The following CNNM1 variants were observed in gnomAD, a reference collection of about 807,000 sequenced individuals.
The protein encoded by CNNM1 is cyclin and CBS domain divalent metal cation transport mediator 1.
In CNNM1, 44 loss-of-function variants were observed where a neutral mutation model predicts 78.8. The observed-to-expected ratio is 0.56, with a 90% CI of 0.44 to 0.72. The LOEUF (loss-of-function observed/expected upper bound fraction) is 0.72, where lower values mean the gene tolerates loss of function less well. CNNM1 is among the 30% of genes least tolerant of loss of function. The probability of loss-of-function intolerance (pLI) is 0.00; values close to 1 mark genes in which losing one functional copy is unlikely to be tolerated. For missense variants in CNNM1, 1,101 were observed against 1,292.2 expected (o/e 0.85, Z 2.27); for synonymous variants, 584 against 581.5 (o/e 1.00, Z -0.06).
chr10:99,356,572 G>GAAAGAAAAGAAAAGAAAGAAAGAAAGAA (rs1554940050), intron 1 of CNNM1, among the ~76,000 whole-genome samples: 1 of 115,202 alleles, frequency 8.7e-6, no homozygotes, highest in South Asian at 2.9e-4. Context: ...CAGAAAGAAA[G>GAAAGAAAAGAAAAGAAAGAAAGAAAGAA]AAAGAAAGAA....
Position 99,330,087 on chromosome 10 carries a change from G to T in CNNM1, c.700G>T (p.Ala234Ser). 1 of 1,538,696 alleles carries T rather than the reference G, an allele frequency of 6.5e-7. No individual in the cohort carries two copies. Among genetic ancestry groups the T allele is most frequent in the Non-Finnish European group, 8.7e-7 (1 of 1,151,108 alleles). ...LRALGALLLLALSALFSGLRL... is the reference protein window; with the variant it reads ...LRALGALLLLSLSALFSGLRL... ...GGCGCTCGGGGCGCTCCTGCTGCTA[G>T]CCTTGTCGGCCCTGTTCAGCGGCCT... The change falls in exon 1 of 11, where the codon GCC becomes TCC. Residue 234 changes from alanine to serine, a missense_variant. Ala to Ser is a moderately conservative substitution (Grantham distance 99). This residue lies in a region of CNNM1 where 476 missense variants were observed against 484.5 expected (regional missense o/e 0.98). Transcript: ENST00000356713.
intron 1 of CNNM1, among the ~76,000 whole-genome samples, chr10:99,356,004 A>T (rs1315628406): frequency 6.6e-6 from 1 of 152,204 alleles, no homozygotes; most frequent in Admixed American, 6.5e-5. Flanking sequence ...TCAAACTACC[A>T]TTGCTGCTAA....
chr10:99,347,286 G>A (rs1036094209), intron 1 of CNNM1, among the ~76,000 whole-genome samples: 2 of 151,820 alleles, frequency 1.3e-5, no homozygotes, highest in East Asian at 1.9e-4. Context: ...TTTGGGAGGC[G>A]GAGGCAGGTG....
chr10:99,349,873 C>T (rs2030868430), intron 1 of CNNM1, among the ~76,000 whole-genome samples: 1 of 152,086 alleles, frequency 6.6e-6, no homozygotes, highest in Admixed American at 6.6e-5. Flanking sequence ...GTGGCGTGTG[C>T]CTGTAGTCCC....
chr10:99,388,186 G>A lies in CNNM1; in HGVS notation c.2559G>A (p.Glu853=), dbSNP rs752362046. 1.9e-5 allele frequency: 30 copies of A among 1,613,878 alleles called. No individual in the cohort carries two copies. The African/African-American group carries it at 3.2e-4, about 17-fold the overall frequency. The change falls in exon 9 of 11, where the codon GAG becomes GAA. Residue 853 remains glutamate, a synonymous_variant. Transcript: ENST00000356713. Reference sequence around the variant, plus strand: ...CAGACGGGCTGAGAAGCCCCAGCGAGGTAGTGTACCTGAGGATGGAGGAGC... The same window carrying A: ...CAGACGGGCTGAGAAGCCCCAGCGAAGTAGTGTACCTGAGGATGGAGGAGC... ...SRSDGLRSPS[E]VVYLRMEELA...
At chr10:99,352,753 TAA>T (rs2134035398) in intron 1 of CNNM1, among the ~76,000 whole-genome samples, 1 of 152,316 alleles carries the variant, frequency 6.6e-6, no homozygotes, top group East Asian at 1.9e-4. Flanking sequence ...ATTCTGGATA[TAA>T]GTCTTTTATC....
intron 1 of CNNM1, among the ~76,000 whole-genome samples, chr10:99,352,796 G>A (rs1006925975): frequency 1.3e-5 from 2 of 151,532 alleles, no homozygotes; most frequent in Non-Finnish European, 2.9e-5. Context: ...CTCCCATTCT[G>A]TGAATTGTCT....
chr10:99,364,996 G>A lies in CNNM1; in HGVS notation c.2170G>A (p.Val724Ile). ...RKVGSLAGSS[V>I]FLNRSPSRCS... ...GGTTGGAAGTCTGGCTGGATCTTCT[G>A]TCTTTCGTATGTATCTCTCAAACCC... The change falls in exon 6 of 11, where the codon GTC (valine) becomes ATC (isoleucine). Residue 724 changes from valine to isoleucine, a missense_variant. This residue lies in a region of CNNM1 where 348 missense variants were observed against 384.5 expected (regional missense o/e 0.90). Coordinates refer to ENST00000356713, the MANE Select transcript of CNNM1 (RefSeq NM_020348.3). 1 of 1,613,926 alleles carries A rather than the reference G, an allele frequency of 6.2e-7. No individual in the cohort carries two copies.
chr10:99,371,264 G>C (rs549836569), intron 6 of CNNM1, among the ~76,000 whole-genome samples: 2 of 152,286 alleles, frequency 1.3e-5, no homozygotes, highest in African/African-American at 4.8e-5. Flanking sequence ...AGAACACAGT[G>C]GTTCACAGAT....
chr10:99,366,875 T>G (rs1197698831), intron 6 of CNNM1, among the ~76,000 whole-genome samples: 1 of 152,248 alleles, frequency 6.6e-6, no homozygotes, highest in Non-Finnish European at 1.5e-5. Context: ...AAGCTTTCAG[T>G]TGCATCAGTG....
intron 1 of CNNM1, among the ~76,000 whole-genome samples, chr10:99,344,149 A>G (rs2030579495): frequency 6.8e-6 from 1 of 147,896 alleles, no homozygotes; most frequent in African/African-American, 2.5e-5. Flanking sequence ...CCTGACCAAC[A>G]TGGTGAAACC....
In CNNM1 at chr10:99,394,064, CTGACCACTGG is replaced by C. The variant is rs1404546266; in HGVS notation, c.*2549_*2558del. Reference sequence around the variant, plus strand: ...ACCATCATGCAGGCTTCTTGCCCAGCTGACCACTGGCCCCGGGGTGCCTGCCTGGCTGGTC... The same window carrying C: ...ACCATCATGCAGGCTTCTTGCCCAGCCCCCGGGGTGCCTGCCTGGCTGGTC... On this transcript the variant is annotated 3_prime_UTR_variant, in exon 11 of 11. Transcript: ENST00000356713. The C allele has an allele frequency of 1.3e-5, 2 of 152,480 alleles. No individual in the cohort carries two copies. The highest frequency in any genetic ancestry group is 2.9e-5 in the Non-Finnish European group (2 of 68,046). 9.4% of individuals were successfully genotyped at this position (152,480 alleles called of 1,614,324 possible).
intron 7 of CNNM1, among the ~76,000 whole-genome samples, chr10:99,382,829 C>T (rs1014965838): frequency 3.3e-5 from 5 of 152,162 alleles, no homozygotes; most frequent in African/African-American, 9.7e-5. Flanking sequence ...ACCTTGGCTG[C>T]TAAGTCAAAA....
intron 6 of CNNM1, among the ~76,000 whole-genome samples, chr10:99,369,207 G>C (rs1190118295): frequency 2.0e-5 from 3 of 152,162 alleles, no homozygotes; most frequent in African/African-American, 7.2e-5. Flanking sequence ...AATAGTCACT[G>C]GGTTTCTTTT....
rs563397227 is a variant in CNNM1, at chr10:99,386,468, ACTC to A, written c.2341-1351_2341-1349del. 3.0e-3 allele frequency among the ~76,000 whole-genome samples: 454 copies of A among 152,190 alleles called. 2 individuals carry two copies. Among genetic ancestry groups the A allele is most frequent in the Middle Eastern group, 0.01 (3 of 294 alleles). On this transcript the variant is annotated intron_variant, in intron 7 of 10. Coordinates refer to ENST00000356713, the MANE Select transcript of CNNM1 (RefSeq NM_020348.3). ...CACTGATTTAAACCATCAAGAGAAA[ACTC>A]TATTTGCCCACTCAAATGGGCAGTA...
chr10:99,380,022 T>TC (rs1491204509), intron 7 of CNNM1, among the ~76,000 whole-genome samples: 3 of 2,768 alleles, frequency 1.1e-3, no homozygotes, highest in Non-Finnish European at 3.1e-3. Flanking sequence ...AAACTCTCTC[T>TC]TTTTTTTTTT....
chr10:99,363,993 T>C (rs2031524406), intron 4 of CNNM1, among the ~76,000 whole-genome samples: 1 of 152,154 alleles, frequency 6.6e-6, no homozygotes, highest in South Asian at 2.1e-4. Context: ...TCCACCCACC[T>C]TGGCCTCCCA....
chr10:99,386,204 T>C (rs2032297276), intron 7 of CNNM1, among the ~76,000 whole-genome samples: 1 of 152,212 alleles, frequency 6.6e-6, no homozygotes, highest in African/African-American at 2.4e-5. Context: ...TGTAAAATCC[T>C]TTAGAAGAAA....
chr10:99,365,360 G>C (rs536684897), intron 6 of CNNM1, among the ~76,000 whole-genome samples: 2 of 152,320 alleles, frequency 1.3e-5, no homozygotes, highest in East Asian at 3.8e-4. Context: ...TTCACCCATG[G>C]CCTTTACTCA....
Sources: gnomAD v4.1 joint callset for allele counts (sites outside exome capture counted in the v4.1 genomes callset) on GRCh38, gnomAD v4.1.1 for gene constraint, gnomAD v4.1.1 regional missense constraint, MANE v1.5 for transcripts, NCBI Gene and HGNC (gene_info 2026-07-23, HGNC 2026-07-21) for gene names.